The following NRL variants were observed in gnomAD, a reference collection of about 807,000 sequenced individuals.
The protein encoded by NRL is neural retina-specific leucine zipper protein.
NRL carries 16 observed loss-of-function variants against 12.5 expected under a neutral mutation model. That is an observed-to-expected ratio of 1.28 (90% CI 0.87 to 1.95). NRL has a LOEUF of 1.95. NRL is among the 30% of genes most tolerant of loss of function. The pLI is 0.00. For missense variants in NRL, 314 were observed against 325.8 expected, an observed-to-expected ratio of 0.96 and a Z score of 0.28; for synonymous variants, 142 against 150.9, an observed-to-expected ratio of 0.94 and a Z score of 0.43.
rs1302717889 is a variant in NRL, at chr14:24,082,557, G to C, written c.292C>G (p.Leu98Val). 6.2e-7 allele frequency: 1 copy of C among 1,613,584 alleles called. No homozygotes were observed. The change falls in exon 2 of 3, where the codon CTG becomes GTG. Residue 98 changes from leucine to valine, a missense_variant. Leu to Val is a conservative substitution (Grantham distance 32). Coordinates refer to ENST00000561028, the MANE Select transcript of NRL (RefSeq NM_001354768.3). The stretch of plus-strand genomic sequence containing the variant: ...GGGACTGGGCCCTGACCCTGCAGCA[G>C]CTCCATGGCCTCTTCAGGACTCAGC... ...LGLSPEEAME[L>V]LQGQGPVPVD...
chr14:24,103,137 G>A (rs760364621), intron 1 of NRL: 6 of 1,580,358 alleles, frequency 3.8e-6, no homozygotes, highest in Non-Finnish European at 5.2e-6. Flanking sequence ...GGCTGCCTGT[G>A]ACTCTGTTCA....
intron 1 of NRL, among the ~76,000 whole-genome samples, chr14:24,088,998 G>C (rs2036542442): frequency 6.6e-6 from 1 of 151,428 alleles, no homozygotes; most frequent in Admixed American, 6.6e-5. Context: ...TAGAGATGGG[G>C]TTTCACTGGG....
At position 24,094,195 on chromosome 14, in the gene NRL, CG is replaced by C. The variant is rs1183933226; in HGVS notation, c.-27-11321del. 3.5e-6 allele frequency: 2 copies of C among 565,112 alleles called. No individual in the cohort carries two copies. The highest frequency in any genetic ancestry group is 6.8e-5 in the East Asian group (2 of 29,266). The allele number at this position is 565,112 out of a possible 1,614,324, so 35.0% of individuals were successfully genotyped here. On this transcript the variant is annotated intron_variant, in intron 1 of 2. Transcript: ENST00000561028. The surrounding 1 kb of genome is among the most constrained non-coding windows in gnomAD (Gnocchi z 4.1). ...TGGGCTGACCTGGAGCCTGGAGCCC[CG>C]GGGCCGAGGGAGCTGGCCTGCCAGC...
At chr14:24,088,255 G>A (rs1381828885) in intron 1 of NRL, among the ~76,000 whole-genome samples, 8 of 152,232 alleles carry the variant, frequency 5.3e-5, no homozygotes, top group Non-Finnish European at 1.0e-4. Context: ...TAGGGCCCAC[G>A]TGAACCTCTT....
At chr14:24,103,165 C>A (rs911134655) in intron 1 of NRL, 4 of 1,612,538 alleles carry the variant, frequency 2.5e-6, no homozygotes, top group South Asian at 1.1e-5. Context: ...TCTAGGGGTA[C>A]CCCTGGTATA....
intron 1 of NRL, among the ~76,000 whole-genome samples, chr14:24,090,754 C>T (rs899142628): frequency 2.6e-5 from 4 of 152,136 alleles, no homozygotes; most frequent in Admixed American, 6.5e-5. Context: ...CAGGCTCTCC[C>T]GGCAGGGAAC....
At chr14:24,096,852 G>A (rs1353888058) in intron 1 of NRL, 8 of 1,587,260 alleles carry the variant, frequency 5.0e-6, no homozygotes, top group South Asian at 2.2e-5. Context: ...GTCCACTCTC[G>A]ATGACAGCAA....
intron 1 of NRL, chr14:24,096,962 A>C: frequency 6.2e-7 from 1 of 1,613,614 alleles, no homozygotes; most frequent in Non-Finnish European, 8.5e-7. Context: ...GCGAGTGCTT[A>C]GTGGAGATCT....
At chr14:24,095,135 C>T (rs1323731076) in intron 1 of NRL, 1 of 456,042 alleles carries the variant, frequency 2.2e-6, no homozygotes, top group African/African-American at 2.0e-5. Context: ...TGAGGCCTCT[C>T]TTCTCAGCTT....
At chr14:24,113,761 C>G (rs540061880) in intron 1 of NRL, among the ~76,000 whole-genome samples, 23 of 152,362 alleles carry the variant, frequency 1.5e-4, no homozygotes, top group Non-Finnish European at 2.9e-4. Flanking sequence ...GAAAGCTGGC[C>G]AAACCCTCGC....
In NRL at chr14:24,098,579, C is replaced by G. The variant is rs377444905; in HGVS notation, c.-27-15704G>C. On this transcript the variant is annotated intron_variant, in intron 1 of 2. Coordinates refer to ENST00000561028, the MANE Select transcript of NRL (RefSeq NM_001354768.3). ...CTCAGCCTATGTGGTGGCAAGCATG[C>G]GTATTATGACCCGACTGGGGACACC... The G allele has an allele frequency of 1.9e-6, 3 of 1,614,096 alleles. No homozygotes were observed. Among genetic ancestry groups the G allele is most frequent in the Admixed American group, 3.3e-5 (2 of 60,022 alleles).
intron 2 of NRL, 58 bp downstream of exon 2, chr14:24,082,410 T>C: frequency 6.2e-7 from 1 of 1,606,158 alleles, no homozygotes; most frequent in African/African-American, 1.3e-5. Flanking sequence ...CCTTCCTCTC[T>C]TGGGCAGTCC....
intron 1 of NRL, chr14:24,098,191 C>T: frequency 1.3e-6 from 2 of 1,583,096 alleles, no homozygotes; most frequent in Non-Finnish European, 1.7e-6. Context: ...CTGACAATCC[C>T]CTCTCCCCCA....
chr14:24,114,547 A>T (rs1299509057), intron 1 of NRL, 175 bp downstream of exon 1: 2 of 362,866 alleles, frequency 5.5e-6, no homozygotes, highest in Non-Finnish European at 7.7e-6. Context: ...CTCGGTAGCG[A>T]ACCACCAAAC....
At chr14:24,102,425 C>T (rs1194224914) in intron 1 of NRL, among the ~76,000 whole-genome samples, 3 of 152,066 alleles carry the variant, frequency 2.0e-5, no homozygotes, top group African/African-American at 2.4e-5. Context: ...ATTATTATAA[C>T]CTTATGCCCA....
intron 1 of NRL, 98 bp downstream of exon 1, chr14:24,114,624 G>A: frequency 1.1e-6 from 1 of 952,148 alleles, no homozygotes; most frequent in Non-Finnish European, 1.3e-6. Context: ...TCAGGAAGCT[G>A]GCAGTTCCCA....
chr14:24,098,268 CTT>C (rs2036986046), intron 1 of NRL: 1 of 1,613,998 alleles, frequency 6.2e-7, no homozygotes, highest in Admixed American at 1.7e-5. Context: ...ATTGTAACTC[CTT>C]CTCAGCGGGA....
chr14:24,101,017 T>G (rs1050242322), intron 1 of NRL, among the ~76,000 whole-genome samples: 1 of 152,202 alleles, frequency 6.6e-6, no homozygotes, highest in Admixed American at 6.5e-5. Flanking sequence ...GAGGCTGGCC[T>G]TGTAGTCACT....
rs955211792 is a variant in NRL at position 24,103,401 on chromosome 14, A to G, written c.-28+11321T>C. 5 of 1,194,318 alleles carry G rather than the reference A, an allele frequency of 4.2e-6. No individual in the cohort carries two copies. In the African/African-American group the frequency reaches 4.5e-5, roughly 11 times the overall value. 74.0% of individuals were successfully genotyped at this position (1,194,318 alleles called of 1,614,324 possible). A position where few individuals can be genotyped will look rare whatever the true frequency, so the allele number is the denominator to read the frequency against. The stretch of plus-strand genomic sequence containing the variant: ...ACTTCTATCTTTTCCCCATCCCTGA[A>G]GATATTCAGAACCATAAGCCTTTCA... On this transcript the variant is annotated intron_variant, in intron 1 of 2. Transcript: ENST00000561028.
Sources: gnomAD v4.1 joint callset for allele counts (sites outside exome capture counted in the v4.1 genomes callset) on GRCh38, gnomAD v4.1.1 for gene constraint, Gnocchi (gnomAD v3.1) non-coding constraint, MANE v1.5 for transcripts, NCBI Gene and HGNC (gene_info 2026-07-23, HGNC 2026-07-21) for gene names.